MTHFSD: variants seen among roughly 807,000 people sequenced by gnomAD.
MTHFSD encodes the protein methenyltetrahydrofolate synthase domain-containing protein.
In MTHFSD, 37 loss-of-function variants were observed where a neutral mutation model predicts 31.1. The ratio of observed to expected loss-of-function variants is 1.19; its 90% CI spans 0.91 to 1.56. MTHFSD has a LOEUF of 1.56. MTHFSD is among the 40% of genes most tolerant of loss of function. The pLI is 0.00. For missense variants in MTHFSD, 664 were observed against 510.1 expected (o/e 1.30, Z -2.91); for synonymous variants, 221 against 206.9 (o/e 1.07, Z -0.59).
At chr16:86,541,514 G>T in intron 7 of MTHFSD, 183 bp downstream of exon 7, 2 of 815,486 alleles carry the variant, frequency 2.5e-6, no homozygotes, top group Non-Finnish European at 3.8e-6. Context: ...AGATCCATAC[G>T]CAGATTCTTA....
At chr16:86,535,428 G>C in intron 7 of MTHFSD, 1 of 985,444 alleles carries the variant, frequency 1.0e-6, no homozygotes, top group Non-Finnish European at 1.2e-6. Flanking sequence ...AGCCAGCAGG[G>C]TGTCTGGACG....
intron 5 of MTHFSD, 41 bp downstream of exon 5, chr16:86,546,518 C>G (rs1227199011): frequency 6.4e-7 from 1 of 1,571,736 alleles, no homozygotes; most frequent in South Asian, 1.1e-5. Flanking sequence ...CGCCTTCAGG[C>G]AGAGCTGTCA....
At chr16:86,544,369 A>G (rs1971968683) in intron 5 of MTHFSD, among the ~76,000 whole-genome samples, 3 of 152,230 alleles carry the variant, frequency 2.0e-5, no homozygotes, top group African/African-American at 7.2e-5. Context: ...AGAAACTGAA[A>G]CAAATTTACA....
At chr16:86,541,628 G>T in intron 7 of MTHFSD, 69 bp downstream of exon 7, 1 of 1,562,744 alleles carries the variant, frequency 6.4e-7, no homozygotes, top group African/African-American at 1.3e-5. Flanking sequence ...TCCCATGCCA[G>T]ACAGAAAACA....
intron 4 of MTHFSD, among the ~76,000 whole-genome samples, 156 bp from the exon 5 acceptor site, chr16:86,546,805 G>A (rs61575122): frequency 3.9e-5 from 6 of 152,238 alleles, no homozygotes; most frequent in Non-Finnish European, 7.3e-5. Flanking sequence ...AGGAGAAGCC[G>A]CATTCCAGAA....
At position 86,541,856 on chromosome 16, in the gene MTHFSD, G is replaced by A. The variant is rs138936164; in HGVS notation, c.556-34C>T. ...AGAGAGGAGGGATAAAGGGGCTGCTGGGAATGCCACTGCAGTCGTGCACAC... is the reference window on the plus strand; with the variant it reads ...AGAGAGGAGGGATAAAGGGGCTGCTAGGAATGCCACTGCAGTCGTGCACAC... On this transcript the variant is annotated intron_variant, in intron 6 of 7. Transcript: ENST00000360900. The A allele has an allele frequency of 2.9e-4, 462 of 1,611,206 alleles. No individual in the cohort carries two copies. In the African/African-American group the frequency reaches 5.8e-3, roughly 20 times the overall value.
rs141204487 is a variant in MTHFSD at position 86,547,667 on chromosome 16, C to A, written c.351+797G>T. ...CTTTTTCCTTTGCTCCTTTCTCTCT[C>A]TATATATATATTTTTTACTTTATTG... is the stretch of plus-strand genomic sequence containing the variant. On this transcript the variant is annotated intron_variant, in intron 4 of 7. Coordinates refer to ENST00000360900, the MANE Select transcript of MTHFSD (RefSeq NM_001159377.2). The A allele has an allele frequency of 3.5e-4, 173 of 498,112 alleles. 2 individuals carry two copies. The highest frequency in any genetic ancestry group is 2.0e-3 in the Middle Eastern group (2 of 1,000). 30.9% of individuals were successfully genotyped at this position (498,112 alleles called of 1,614,324 possible).
chr16:86,533,875 A>G (rs912340954), intron 7 of MTHFSD: 1 of 152,246 alleles, frequency 6.6e-6, no homozygotes, highest in African/African-American at 2.4e-5. Flanking sequence ...AGAGGCTCTC[A>G]GTCTTCTCTC....
At chr16:86,540,868 T>C in intron 7 of MTHFSD, 1 of 1,083,278 alleles carries the variant, frequency 9.2e-7, no homozygotes, top group Non-Finnish European at 1.1e-6. Flanking sequence ...CACCTGGGAG[T>C]CCCCAGCAGT....
chr16:86,535,030 G>T (rs1316396269), intron 7 of MTHFSD, among the ~76,000 whole-genome samples: 1 of 152,248 alleles, frequency 6.6e-6, no homozygotes, highest in Non-Finnish European at 1.5e-5. Flanking sequence ...TTCTGCGGCA[G>T]AAATCTGTTT....
chr16:86,554,365 C>G (rs1341672171), intron 2 of MTHFSD, among the ~76,000 whole-genome samples: 1 of 152,206 alleles, frequency 6.6e-6, no homozygotes, highest in Non-Finnish European at 1.5e-5. Context: ...AGGCTTCATT[C>G]TTGAAGTCAG....
chr16:86,541,193 C>G, intron 7 of MTHFSD: 7 of 1,289,612 alleles, frequency 5.4e-6, no homozygotes, highest in Non-Finnish European at 7.1e-6. Context: ...TGTGCCATTA[C>G]CTAATCTGGA....
chr16:86,538,687 C>T (rs1016904166), intron 7 of MTHFSD, among the ~76,000 whole-genome samples: 2 of 152,212 alleles, frequency 1.3e-5, no homozygotes, highest in African/African-American at 4.8e-5. Flanking sequence ...CTCCAAGGAT[C>T]AGAAGATCAA....
rs754623497 is a variant in MTHFSD, at chr16:86,531,976, C to T, written c.*35G>A. ...CCGGAGCGGCAGGGGACGGGGATGGCGAGTCTGCAGTGAGCTCCGTGGCTG... is the reference window on the plus strand; with the variant it reads ...CCGGAGCGGCAGGGGACGGGGATGGTGAGTCTGCAGTGAGCTCCGTGGCTG... On this transcript the variant is annotated 3_prime_UTR_variant, in exon 8 of 8. Transcript: ENST00000360900. The surrounding 1 kb of genome is among the most constrained non-coding windows in gnomAD (Gnocchi z 5.5). 4 of 1,359,344 alleles carry T rather than the reference C, an allele frequency of 2.9e-6. No individual in the cohort carries two copies. The highest frequency in any genetic ancestry group is 1.9e-6 in the Non-Finnish European group (2 of 1,044,134). 84.2% of individuals were successfully genotyped at this position (1,359,344 alleles called of 1,614,324 possible).
chr16:86,555,138 A>G, intron 1 of MTHFSD, 31 bp downstream of exon 1: 1 of 1,527,544 alleles, frequency 6.5e-7, no homozygotes, highest in Middle Eastern at 1.7e-4. Flanking sequence ...CCCCATTCCC[A>G]GCCGCCCCGG....
At chr16:86,554,978 TTC>T in intron 1 of MTHFSD, 189 bp downstream of exon 1, 1 of 1,325,482 alleles carries the variant, frequency 7.5e-7, no homozygotes. Flanking sequence ...CCTGACATCT[TTC>T]TCGGGATTCC....
chr16:86,532,180 T>TCCCG lies in MTHFSD; in HGVS notation c.979_982dup (p.Glu328AlafsTer111). Reference sequence around the variant, plus strand: ...GAGCCGCAGGGGCACGGAGCCGAGTTCCCGCAGGGCTCTCTTCAGGTCACT... The same window carrying TCCCG: ...GAGCCGCAGGGGCACGGAGCCGAGTTCCCGCCCGCAGGGCTCTCTTCAGGTCACT... On this transcript the variant is annotated frameshift_variant, in exon 8 of 8. Coordinates refer to ENST00000360900, the MANE Select transcript of MTHFSD (RefSeq NM_001159377.2). LOFTEE classifies it low-confidence loss of function (END_TRUNC). The TCCCG allele has an allele frequency of 6.4e-7, 1 of 1,573,658 alleles. No individual in the cohort carries two copies. Among genetic ancestry groups the TCCCG allele is most frequent in the Non-Finnish European group, 8.6e-7 (1 of 1,159,900 alleles).
At position 86,530,829 on chromosome 16, in the gene MTHFSD, G is replaced by A. The variant is rs757908471; in HGVS notation, c.*1182C>T. On this transcript the variant is annotated 3_prime_UTR_variant, in exon 8 of 8. Coordinates refer to ENST00000360900, the MANE Select transcript of MTHFSD (RefSeq NM_001159377.2). ...CAGAGGGCCGAGGGCCCAGGGCCAG[G>A]TGTGGCGCTTCCAGACGTTTCTACT... 6.6e-6 allele frequency: 1 copy of A among 152,236 alleles called. No homozygotes were observed. The highest frequency in any genetic ancestry group is 2.4e-5 in the African/African-American group (1 of 41,452). 9.4% of individuals were successfully genotyped at this position (152,236 alleles called of 1,614,324 possible).
intron 5 of MTHFSD, among the ~76,000 whole-genome samples, chr16:86,544,905 A>C (rs1472613244): frequency 2.6e-5 from 4 of 152,240 alleles, no homozygotes; most frequent in Non-Finnish European, 5.9e-5. Context: ...TGTCCTTTGC[A>C]GGGACATGGA....
Sources: gnomAD v4.1 joint callset for allele counts (sites outside exome capture counted in the v4.1 genomes callset) on GRCh38, gnomAD v4.1.1 for gene constraint, Gnocchi (gnomAD v3.1) non-coding constraint, MANE v1.5 for transcripts, NCBI Gene and HGNC (gene_info 2026-07-23, HGNC 2026-07-21) for gene names.